The following VPS41 variants were observed in gnomAD, a reference collection of about 807,000 sequenced individuals.
The protein encoded by VPS41 is vacuolar protein sorting-associated protein 41 homolog.
In VPS41, 85 loss-of-function variants were observed where a neutral mutation model predicts 130.9. That is an observed-to-expected ratio of 0.65 (90% CI 0.55 to 0.78). The LOEUF is 0.78. Among genes scored for constraint, VPS41 ranks in the 30% least tolerant of loss-of-function variants. The pLI is 0.00. For synonymous variants in VPS41, 335 were observed against 332.9 expected (o/e 1.01, Z -0.07); for missense variants, 874 against 1,018.7 (o/e 0.86, Z 1.93).
chr7:38,786,112 C>G (rs779603992), intron 10 of VPS41, among the ~76,000 whole-genome samples: 3 of 152,200 alleles, frequency 2.0e-5, no homozygotes, highest in African/African-American at 7.2e-5. Flanking sequence ...ACTCTGTAAA[C>G]AAAGGCCAGG....
chr7:38,797,999 G>T (rs1784653768), intron 7 of VPS41, among the ~76,000 whole-genome samples: 1 of 152,128 alleles, frequency 6.6e-6, no homozygotes, highest in South Asian at 2.1e-4. Flanking sequence ...GGATTCTTCT[G>T]ACCATACTTA....
intron 25 of VPS41, among the ~76,000 whole-genome samples, chr7:38,737,158 G>A (rs1795785740): frequency 6.6e-6 from 1 of 152,182 alleles, no homozygotes; most frequent in Admixed American, 6.5e-5. Flanking sequence ...GGCGGATCAT[G>A]AGGTCAGGAG....
In VPS41 at chr7:38,754,945, T is replaced by C. The variant is rs753217650; in HGVS notation, c.1696-9A>G. On this transcript the variant is annotated splice_polypyrimidine_tract_variant and intron_variant, in intron 19 of 28. Coordinates refer to ENST00000310301, the MANE Select transcript of VPS41 (RefSeq NM_014396.4). ...AGCATGTCAACAGCTTTCTGAAACATATAAGAAAAGCCACAGTCAATGAAA... is the reference window on the plus strand; with the variant it reads ...AGCATGTCAACAGCTTTCTGAAACACATAAGAAAAGCCACAGTCAATGAAA... 3 of 1,613,104 alleles carry C rather than the reference T, an allele frequency of 1.9e-6. No individual in the cohort carries two copies. The highest frequency in any genetic ancestry group is 2.7e-5 in the African/African-American group (2 of 75,002).
intron 17 of VPS41, among the ~76,000 whole-genome samples, chr7:38,759,908 A>G (rs1187708959): frequency 6.6e-6 from 1 of 152,146 alleles, no homozygotes; most frequent in Non-Finnish European, 1.5e-5. Flanking sequence ...CTGCTCCCAC[A>G]GTGAAACTGT....
intron 3 of VPS41, among the ~76,000 whole-genome samples, chr7:38,866,696 T>G (rs1243993100): frequency 6.6e-6 from 1 of 152,152 alleles, no homozygotes. Flanking sequence ...ACAGAAATCC[T>G]GAGATTTAAA....
chr7:38,831,157 A>C (rs1785379630), intron 4 of VPS41: 4 of 468,344 alleles, frequency 8.5e-6, no homozygotes, highest in Non-Finnish European at 1.3e-5. Flanking sequence ...TCTTGAGTTC[A>C]TCAAACTACA....
intron 3 of VPS41, among the ~76,000 whole-genome samples, chr7:38,864,182 G>A (rs1786178958): frequency 6.6e-6 from 1 of 152,180 alleles, no homozygotes; most frequent in African/African-American, 2.4e-5. Context: ...TAAGGGAGAA[G>A]GGAGCTTGGA....
chr7:38,793,300 G>A (rs1367707349), intron 9 of VPS41, among the ~76,000 whole-genome samples: 2 of 152,180 alleles, frequency 1.3e-5, no homozygotes, highest in Non-Finnish European at 2.9e-5. Flanking sequence ...AATGAATGAA[G>A]TAAATGGTAA....
intron 22 of VPS41, among the ~76,000 whole-genome samples, chr7:38,747,510 G>A (rs1369070322): frequency 6.6e-6 from 1 of 152,122 alleles, no homozygotes; most frequent in African/African-American, 2.4e-5. Flanking sequence ...TCTGTACTTG[G>A]AAATTCACTT....
chr7:38,728,781 C>T lies in VPS41; in HGVS notation c.2270G>A (p.Arg757His), dbSNP rs1795600264. The change falls in exon 26 of 29, where the codon CGT becomes CAT. Residue 757 changes from arginine to histidine, a missense_variant. Coordinates refer to ENST00000310301, the MANE Select transcript of VPS41 (RefSeq NM_014396.4). ...TACGAGAATCTTCTTGCAGCCTTCA[C>T]GAAGCAGAATCTAATGCATACATTT... ...LQDYNLQILL[R>H]EGCKKILVAD... The T allele has an allele frequency of 1.9e-6, 3 of 1,614,058 alleles. No homozygotes were observed. The highest frequency in any genetic ancestry group is 2.2e-5 in the East Asian group (1 of 44,872).
intron 11 of VPS41, among the ~76,000 whole-genome samples, chr7:38,776,449 G>GA (rs907136546): frequency 6.6e-6 from 1 of 151,660 alleles, no homozygotes; most frequent in Non-Finnish European, 1.5e-5. Flanking sequence ...AAGAGAGGTC[G>GA]AAAAAAAAGA....
chr7:38,907,597 C>T (rs568066767), intron 1 of VPS41, among the ~76,000 whole-genome samples: 1 of 152,108 alleles, frequency 6.6e-6, no homozygotes, highest in Non-Finnish European at 1.5e-5. Context: ...AAATAATGTA[C>T]AAATGTGAAA....
intron 5 of VPS41, 63 bp from the exon 6 acceptor site, chr7:38,821,328 T>C: frequency 9.2e-7 from 1 of 1,082,694 alleles, no homozygotes. Context: ...ACTGAGTCAG[T>C]ATGAACACAT....
intron 24 of VPS41, 67 bp downstream of exon 24, chr7:38,743,335 A>C: frequency 6.4e-7 from 1 of 1,568,140 alleles, no homozygotes; most frequent in Non-Finnish European, 8.7e-7. Flanking sequence ...AATAGTTTTT[A>C]ATCTAGACAT....
intron 4 of VPS41, among the ~76,000 whole-genome samples, chr7:38,850,324 T>C (rs1158359003): frequency 2.0e-5 from 3 of 152,228 alleles, no homozygotes; most frequent in Admixed American, 1.3e-4. Context: ...TACTGGGCAT[T>C]TGATGTTCTT....
intron 4 of VPS41, among the ~76,000 whole-genome samples, chr7:38,852,359 C>T (rs148165731): frequency 2.1e-3 from 323 of 152,266 alleles, no homozygotes; most frequent in Middle Eastern, 0.01. Context: ...TCCCCAGCTC[C>T]GGGAGACACT....
At chr7:38,767,170 G>C (rs1225505272) in intron 15 of VPS41, among the ~76,000 whole-genome samples, 2 of 152,186 alleles carry the variant, frequency 1.3e-5, no homozygotes, top group African/African-American at 4.8e-5. Context: ...GAGTCCTTTA[G>C]CTCTGACCTG....
At chr7:38,762,853 T>C (rs1584381419) in intron 17 of VPS41, among the ~76,000 whole-genome samples, 1 of 152,170 alleles carries the variant, frequency 6.6e-6, no homozygotes, top group African/African-American at 2.4e-5. Flanking sequence ...AGAAAACATC[T>C]ACAATCTCTA....
chr7:38,733,516 G>A (rs1281774672), intron 25 of VPS41, among the ~76,000 whole-genome samples: 1 of 152,112 alleles, frequency 6.6e-6, no homozygotes, highest in Admixed American at 6.5e-5. Flanking sequence ...TGAAGATTAT[G>A]TCCTCCTTCA....
Sources: gnomAD v4.1 joint callset for allele counts (sites outside exome capture counted in the v4.1 genomes callset) on GRCh38, gnomAD v4.1.1 for gene constraint, MANE v1.5 for transcripts, NCBI Gene and HGNC (gene_info 2026-07-23, HGNC 2026-07-21) for gene names.